Variants in CACNA2D3 observed in about 807,000 individuals in gnomAD.
The protein encoded by CACNA2D3 is voltage-dependent calcium channel subunit alpha-2/delta-3.
Under a neutral mutation model 160.6 loss-of-function variants are expected in CACNA2D3, and 60 were observed. The ratio of observed to expected loss-of-function variants is 0.37; its 90% CI spans 0.30 to 0.46. CACNA2D3 has a LOEUF of 0.46. CACNA2D3 is among the 20% of genes least tolerant of loss of function. The probability of loss-of-function intolerance (pLI) is 1.00; values close to 1 mark genes in which losing one functional copy is unlikely to be tolerated. For synonymous variants in CACNA2D3, 558 were observed against 492.9 expected (o/e 1.13, Z -1.75); for missense variants, 1,205 against 1,365.0 (o/e 0.88, Z 1.85).
chr3:54,472,131 C>T (rs9713158), intron 4 of CACNA2D3, among the ~76,000 whole-genome samples: 6,424 of 152,180 alleles, frequency 0.042, 472 homozygotes, highest in African/African-American at 0.15. Flanking sequence ...TGATGAACAT[C>T]GATGCAAAAA....
intron 11 of CACNA2D3, among the ~76,000 whole-genome samples, chr3:54,680,086 T>C (rs1481675949): frequency 6.6e-6 from 1 of 152,164 alleles, no homozygotes; most frequent in African/African-American, 2.4e-5. Flanking sequence ...AAACAACTTT[T>C]GTAAGGGAGG....
At chr3:54,534,280 A>G (rs988065232) in intron 5 of CACNA2D3, among the ~76,000 whole-genome samples, 1 of 152,320 alleles carries the variant, frequency 6.6e-6, no homozygotes, top group Admixed American at 6.5e-5. Flanking sequence ...TTTTGTTAAA[A>G]TTTTTAAAAT....
At chr3:54,332,142 C>T (rs1016460322) in intron 3 of CACNA2D3, among the ~76,000 whole-genome samples, 2 of 152,216 alleles carry the variant, frequency 1.3e-5, no homozygotes, top group Non-Finnish European at 2.9e-5. Flanking sequence ...AACAACAACA[C>T]AAAGAGCTCA....
chr3:55,062,159 G>T (rs1052484934), intron 35 of CACNA2D3, among the ~76,000 whole-genome samples: 5 of 152,080 alleles, frequency 3.3e-5, no homozygotes, highest in Admixed American at 6.5e-5. Context: ...TTGGTCTGTT[G>T]CCCAGGCTGG....
At chr3:54,132,813 CT>C (rs1239334612) in intron 2 of CACNA2D3, among the ~76,000 whole-genome samples, 1 of 152,146 alleles carries the variant, frequency 6.6e-6, no homozygotes, top group East Asian at 1.9e-4. Context: ...CGAGATGCTA[CT>C]GCTGACTGGT....
intron 34 of CACNA2D3, among the ~76,000 whole-genome samples, chr3:55,015,672 T>G (rs1208631744): frequency 6.6e-6 from 1 of 152,176 alleles, no homozygotes; most frequent in Non-Finnish European, 1.5e-5. Flanking sequence ...AGAAATCTGT[T>G]GTAAAAATCA....
At chr3:55,023,860 C>T (rs1703509677) in intron 35 of CACNA2D3, among the ~76,000 whole-genome samples, 1 of 151,314 alleles carries the variant, frequency 6.6e-6, no homozygotes, top group African/African-American at 2.4e-5. Flanking sequence ...ATTGGTTTTC[C>T]TATTCAGAGC....
intron 33 of CACNA2D3, among the ~76,000 whole-genome samples, chr3:55,009,032 A>T (rs1392838804): frequency 6.6e-6 from 1 of 152,162 alleles, no homozygotes; most frequent in Non-Finnish European, 1.5e-5. Flanking sequence ...TTTCTGAACT[A>T]AGGGAAGAGA....
intron 3 of CACNA2D3, among the ~76,000 whole-genome samples, chr3:54,334,398 G>T (rs1173461207): frequency 6.6e-6 from 1 of 152,140 alleles, no homozygotes; most frequent in East Asian, 1.9e-4. Flanking sequence ...GCACTTAGAT[G>T]TTCAGTCATC....
At chr3:54,905,450 C>T (rs1236075270) in intron 27 of CACNA2D3, among the ~76,000 whole-genome samples, 1 of 152,146 alleles carries the variant, frequency 6.6e-6, no homozygotes, top group African/African-American at 2.4e-5. Context: ...GTGAACATTC[C>T]TTTGGTGGGA....
chr3:54,336,500 T>C (rs1274832709), intron 3 of CACNA2D3, among the ~76,000 whole-genome samples: 1 of 152,228 alleles, frequency 6.6e-6, no homozygotes, highest in Non-Finnish European at 1.5e-5. Context: ...AATGGAGTGA[T>C]GTACCTGTGG....
intron 2 of CACNA2D3, among the ~76,000 whole-genome samples, chr3:54,175,165 A>T (rs185860177): frequency 1.7e-4 from 26 of 152,276 alleles, no homozygotes; most frequent in Middle Eastern, 6.8e-3. Flanking sequence ...TGTCACACAC[A>T]TTGTAGCTGG....
chr3:54,724,113 C>G (rs1701230086), intron 11 of CACNA2D3, among the ~76,000 whole-genome samples: 3 of 152,110 alleles, frequency 2.0e-5, no homozygotes, highest in Non-Finnish European at 4.4e-5. Context: ...GCAGGAGTTG[C>G]AATCCTAATG....
At chr3:54,417,895 T>A (rs527357749) in intron 4 of CACNA2D3, among the ~76,000 whole-genome samples, 55 of 152,012 alleles carry the variant, frequency 3.6e-4, no homozygotes, top group African/African-American at 1.3e-3. Flanking sequence ...CAGGTGATCC[T>A]CCCATCTCAG....
At chr3:54,790,974 A>G (rs1361035521) in intron 13 of CACNA2D3, among the ~76,000 whole-genome samples, 1 of 152,024 alleles carries the variant, frequency 6.6e-6, no homozygotes, top group Non-Finnish European at 1.5e-5. Context: ...CCTGCTGTGC[A>G]CTATTAACCA....
At chr3:54,297,992 A>G (rs1385806100) in intron 2 of CACNA2D3, among the ~76,000 whole-genome samples, 6 of 152,210 alleles carry the variant, frequency 3.9e-5, no homozygotes, top group African/African-American at 1.2e-4. Flanking sequence ...AATTTTAACA[A>G]AGCACCTCGG....
intron 27 of CACNA2D3, among the ~76,000 whole-genome samples, chr3:54,941,363 C>A (rs941854804): frequency 6.6e-6 from 1 of 152,090 alleles, no homozygotes; most frequent in Non-Finnish European, 1.5e-5. Context: ...TGAAGTAAGC[C>A]CCCTGTGTGA....
At chr3:54,518,171 G>C (rs76176040) in intron 5 of CACNA2D3, among the ~76,000 whole-genome samples, 1 of 152,168 alleles carries the variant, frequency 6.6e-6, no homozygotes, top group Non-Finnish European at 1.5e-5. Flanking sequence ...GACTAACACT[G>C]TGTGTCAGCG....
intron 35 of CACNA2D3, among the ~76,000 whole-genome samples, chr3:55,041,539 A>G (rs976654273): frequency 1.1e-4 from 16 of 152,142 alleles, no homozygotes; most frequent in African/African-American, 3.6e-4. Context: ...TTGTTTTTAC[A>G]TGTGTTAGAA....
Sources: allele counts gnomAD v4.1 joint callset (sites outside exome capture counted in the v4.1 genomes callset), GRCh38; gene constraint gnomAD v4.1.1; transcripts MANE v1.5; gene names NCBI Gene and HGNC (gene_info 2026-07-23, HGNC 2026-07-21).